Variants in IFI16 observed in about 807,000 individuals in gnomAD.
IFI16 encodes gamma-interferon-inducible protein 16.
A neutral mutation model predicts 68.4 loss-of-function variants in IFI16; 49 were observed. The observed-to-expected ratio is 0.72, with a 90% CI of 0.57 to 0.91. The LOEUF is 0.91. Among genes scored for constraint, IFI16 ranks in the 40% least tolerant of loss-of-function variants. The pLI, the probability that IFI16 is intolerant of heterozygous loss-of-function variation, is 0.00. For synonymous variants in IFI16, 307 were observed against 315.0 expected (o/e 0.97, Z 0.27); for missense variants, 878 against 942.9 (o/e 0.93, Z 0.90).
At chr1:159,054,289 A>T (rs1001023785) in intron 11 of IFI16, among the ~76,000 whole-genome samples, 1 of 152,170 alleles carries the variant, frequency 6.6e-6, no homozygotes, top group Non-Finnish European at 1.5e-5. Context: ...TGCCACACTG[A>T]CCCATACATT....
chr1:159,001,426 A>T (rs1012468805), upstream of IFI16, among the ~76,000 whole-genome samples: 2 of 152,344 alleles, frequency 1.3e-5, no homozygotes, highest in Middle Eastern at 3.4e-3. Flanking sequence ...ATATGAACTT[A>T]TTATTTTTTC....
At chr1:159,041,996 A>C (rs1654677354) in intron 7 of IFI16, among the ~76,000 whole-genome samples, 1 of 152,186 alleles carries the variant, frequency 6.6e-6, no homozygotes, top group African/African-American at 2.4e-5. Flanking sequence ...CTTCTAAATA[A>C]GCAATGTGTC....
At chr1:159,013,960 C>T (rs1049961872) in intron 1 of IFI16, among the ~76,000 whole-genome samples, 20 of 150,598 alleles carry the variant, frequency 1.3e-4, no homozygotes, top group Non-Finnish European at 2.5e-4. Context: ...ACTGATTGTG[C>T]GAAAAGAAAT....
chr1:159,035,705 A>G (rs955888456), intron 7 of IFI16, among the ~76,000 whole-genome samples: 2 of 152,152 alleles, frequency 1.3e-5, no homozygotes, highest in East Asian at 1.9e-4. Flanking sequence ...TCTATGGTAT[A>G]CGCTCTATAT....
chr1:159,053,815 C>A, intron 11 of IFI16, 91 bp downstream of exon 11: 1 of 960,296 alleles, frequency 1.0e-6, no homozygotes, highest in Non-Finnish European at 1.6e-6. Context: ...TACAGAGAGT[C>A]TAGCAAGTGG....
upstream of IFI16, among the ~76,000 whole-genome samples, chr1:159,006,565 G>T (rs1307026536): frequency 6.6e-6 from 1 of 152,122 alleles, no homozygotes; most frequent in Non-Finnish European, 1.5e-5. Flanking sequence ...TACTAAAGGG[G>T]GTTGGGTAAG....
rs1361566 is a variant in IFI16, at chr1:159,011,432, C to T, written c.-21+1271C>T. On this transcript the variant is annotated intron_variant, in intron 1 of 11. Coordinates refer to ENST00000295809, the MANE Select transcript of IFI16 (RefSeq NM_001376587.1). ...TTTGTAGTGCTCTCACAATCACATACATGTTATGTGTATATATAATATACA... is the reference window on the plus strand; with the variant it reads ...TTTGTAGTGCTCTCACAATCACATATATGTTATGTGTATATATAATATACA... 2.2e-3 allele frequency among the ~76,000 whole-genome samples: 332 copies of T among 151,582 alleles called. 2 individuals are homozygous for T. The highest frequency in any genetic ancestry group is 7.1e-3 in the African/African-American group (292 of 41,292).
rs1337860652 is a variant in IFI16 at position 159,047,271 on chromosome 1, CT to C, written c.1497+1816del. On this transcript the variant is annotated intron_variant, in intron 8 of 11. Coordinates refer to ENST00000295809, the MANE Select transcript of IFI16 (RefSeq NM_001376587.1). ...AGGTTTTCTCAATTTTTTAGACAGT[CT>C]TTTTTTTTAGTTATTAATTTCAAGA... 1.4e-4 allele frequency among the ~76,000 whole-genome samples: 21 copies of C among 150,198 alleles called. 2 individuals carry two copies. The Middle Eastern group carries it at 0.024, about 174-fold the overall frequency.
chr1:159,014,965 A>T lies in IFI16; in HGVS notation c.265+20A>T. 6.3e-7 allele frequency: 1 copy of T among 1,582,302 alleles called. No homozygotes were observed. The highest frequency in any genetic ancestry group is 1.4e-5 in the African/African-American group (1 of 73,562). ...TAAAAGGTAATTGGGAAGAGGGAAC[A>T]CCCACTCCCTGCAACCATCCCCAAA... On this transcript the variant is annotated intron_variant, in intron 2 of 11. Transcript: ENST00000295809.
chr1:159,014,274 A>T (rs185366132), intron 1 of IFI16, among the ~76,000 whole-genome samples: 136 of 152,346 alleles, frequency 8.9e-4, no homozygotes, highest in African/African-American at 3.1e-3. Flanking sequence ...CGCTCCAGTC[A>T]TACTGGGTGT....
chr1:159,054,543 T>C (rs1426872508), intron 11 of IFI16, among the ~76,000 whole-genome samples: 1 of 152,188 alleles, frequency 6.6e-6, no homozygotes, highest in Admixed American at 6.5e-5. Flanking sequence ...CCAGCTCCTT[T>C]CTCTCTCCTG....
In IFI16 at chr1:159,040,870, G is replaced by C. The variant is rs16841581; in HGVS notation, c.1330-4427G>C. On this transcript the variant is annotated intron_variant, in intron 7 of 11. Coordinates refer to ENST00000295809, the MANE Select transcript of IFI16 (RefSeq NM_001376587.1). The stretch of plus-strand genomic sequence containing the variant: ...ACATATGAGAACACTAGCGTTCATA[G>C]TTTTGGAATAATGTTTCTACCAGTG... Among the ~76,000 whole-genome samples, 617 of 152,338 alleles carry C rather than the reference G, an allele frequency of 4.1e-3. 6 individuals are homozygous for C. The highest frequency in any genetic ancestry group is 0.014 in the African/African-American group (565 of 41,578).
chr1:159,006,078 A>T (rs1652245499), upstream of IFI16: 1 of 152,306 alleles, frequency 6.6e-6, no homozygotes, highest in Non-Finnish European at 1.5e-5. Context: ...ACTACCAACC[A>T]GCCAGGAGTG....
chr1:159,032,217 G>A (rs1337476545), intron 6 of IFI16, among the ~76,000 whole-genome samples: 1 of 152,190 alleles, frequency 6.6e-6, no homozygotes, highest in African/African-American at 2.4e-5. Context: ...GGAAAATGAT[G>A]CAAGACAGGT....
At chr1:159,054,201 C>G (rs1044166429) in intron 11 of IFI16, among the ~76,000 whole-genome samples, 8 of 152,186 alleles carry the variant, frequency 5.3e-5, no homozygotes, top group Non-Finnish European at 1.0e-4. Context: ...CACAAAGGTA[C>G]CTGCCTTTAG....
At chr1:159,010,326 TTTAC>T (rs1309732864) in intron 1 of IFI16, among the ~76,000 whole-genome samples, 165 bp downstream of exon 1, 1 of 152,200 alleles carries the variant, frequency 6.6e-6, no homozygotes, top group African/African-American at 2.4e-5. Flanking sequence ...GAATCCTTCA[TTTAC>T]TTAGGAAGAT....
At chr1:159,042,646 T>C (rs140070621) in intron 7 of IFI16, among the ~76,000 whole-genome samples, 107 of 152,354 alleles carry the variant, frequency 7.0e-4, no homozygotes, top group South Asian at 3.3e-3. Context: ...TCATATTTTC[T>C]CATTGTTTGC....
At position 159,018,268 on chromosome 1, in the gene IFI16, A is replaced by C. The variant is rs772189783; in HGVS notation, c.589A>C (p.Arg197=). ...TVAKCQVTPR[R]NVLQKRPVIV... ...GGCCAAATGTCAGGTAACTCCCAGAAGAAATGTTCTCCAAAAACGCCCAGT... is the reference window on the plus strand; with the variant it reads ...GGCCAAATGTCAGGTAACTCCCAGACGAAATGTTCTCCAAAAACGCCCAGT... The change falls in exon 5 of 12, where the codon AGA becomes CGA. Residue 197 remains arginine (R), a synonymous_variant. Coordinates refer to ENST00000295809, the MANE Select transcript of IFI16 (RefSeq NM_001376587.1). 6.2e-7 allele frequency: 1 copy of C among 1,614,106 alleles called. No homozygotes were observed. The highest frequency in any genetic ancestry group is 8.5e-7 in the Non-Finnish European group (1 of 1,179,948).
At chr1:159,030,061 G>T (rs1653908776) in intron 6 of IFI16, among the ~76,000 whole-genome samples, 1 of 152,146 alleles carries the variant, frequency 6.6e-6, no homozygotes, top group Non-Finnish European at 1.5e-5. Context: ...AAGCTCTGAA[G>T]TTCTTTCTTC....
Sources: allele counts gnomAD v4.1 joint callset (sites outside exome capture counted in the v4.1 genomes callset), GRCh38; gene constraint gnomAD v4.1.1; transcripts MANE v1.5; gene names NCBI Gene and HGNC (gene_info 2026-07-23, HGNC 2026-07-21).